L2HGDH: variants seen among roughly 807,000 people sequenced by gnomAD.
The protein encoded by L2HGDH is L-2-hydroxyglutarate dehydrogenase, mitochondrial.
Under a neutral mutation model 51.5 loss-of-function variants are expected in L2HGDH, and 34 were observed. The observed-to-expected ratio is 0.66, with a 90% CI of 0.50 to 0.88. The LOEUF is 0.88. Among genes scored for constraint, L2HGDH ranks in the 40% least tolerant of loss-of-function variants. The pLI is 0.00. For synonymous variants in L2HGDH, 198 were observed against 197.9 expected, an observed-to-expected ratio of 1.00 and a Z score of -0.01; for missense variants, 558 against 571.9, an observed-to-expected ratio of 0.98 and a Z score of 0.25.
rs186068473 is a variant in L2HGDH at position 50,267,138 on chromosome 14, T to C, written c.1064+615A>G. 4.6e-3 allele frequency among the ~76,000 whole-genome samples: 674 copies of C among 148,026 alleles called. 3 individuals are homozygous for C. Among genetic ancestry groups the C allele is most frequent in the African/African-American group, 0.014 (560 of 40,228 alleles). On this transcript the variant is annotated intron_variant, in intron 8 of 9. Coordinates refer to ENST00000267436, the MANE Select transcript of L2HGDH (RefSeq NM_024884.3). ...ATGAATAACTCTTGGCCTTATCTTC[T>C]TTTTATTTTTATTTATTTATTTATT...
chr14:50,294,116 CT>C lies in L2HGDH; in HGVS notation c.538del (p.Arg180GlyfsTer3). 2.5e-6 allele frequency: 4 copies of C among 1,613,794 alleles called. No homozygotes were observed. Among genetic ancestry groups the C allele is most frequent in the Non-Finnish European group, 3.4e-6 (4 of 1,179,820 alleles). ...EDIKKKEPYCRGLMAIDCPHT... is the reference protein window; with the variant it reads ...EDIKKKEPYCXGLMAIDCPHT... ...AACATCCCTTTGTTAATCACTTACC[CT>C]ACAATATGGCTCCTTCTTTTTTATA... On this transcript the variant is annotated frameshift_variant and splice_region_variant, in exon 4 of 10. Transcript: ENST00000267436. LOFTEE classifies it high-confidence loss of function.
intron 5 of L2HGDH, chr14:50,282,446 A>C: frequency 2.2e-6 from 1 of 455,840 alleles, no homozygotes; most frequent in Non-Finnish European, 4.4e-6. Context: ...TCTTCATTAA[A>C]CCAATGAAGC....
intron 4 of L2HGDH, 100 bp from the exon 5 acceptor site, chr14:50,284,133 T>G (rs1890432487): frequency 3.5e-6 from 4 of 1,154,068 alleles, no homozygotes; most frequent in Middle Eastern, 4.0e-4. Context: ...TTAGAGGAGT[T>G]GATTTTGCCA....
chr14:50,244,816 C>T lies in L2HGDH; in HGVS notation c.*2242G>A, dbSNP rs1887927821. 1.0e-6 allele frequency: 1 copy of T among 985,252 alleles called. No individual in the cohort carries two copies. Among genetic ancestry groups the T allele is most frequent in the Admixed American group, 6.2e-5 (1 of 16,252 alleles). The allele number at this position is 985,252 out of a possible 1,614,324, so 61.0% of individuals were successfully genotyped here. ...AACCAAAATGCACATCCTTCTCACC[C>T]ATCCATCATACAGCTTTGGAGAGCT... On this transcript the variant is annotated 3_prime_UTR_variant, in exon 10 of 10. Coordinates refer to ENST00000267436, the MANE Select transcript of L2HGDH (RefSeq NM_024884.3).
At chr14:50,251,386 C>T (rs1888340165) in intron 9 of L2HGDH, among the ~76,000 whole-genome samples, 1 of 151,944 alleles carries the variant, frequency 6.6e-6, no homozygotes, top group African/African-American at 2.4e-5. Context: ...AAAACATTCT[C>T]AAAAGGGTAA....
At chr14:50,294,362 T>A in intron 3 of L2HGDH, 116 bp from the exon 4 acceptor site, 1 of 984,846 alleles carries the variant, frequency 1.0e-6, no homozygotes, top group Non-Finnish European at 1.5e-6. Context: ...GTTAATTTTT[T>A]AAAATTATTT....
rs764890454 is a variant in L2HGDH, at chr14:50,267,712, T to C, written c.1064+41A>G. The C allele has an allele frequency of 8.1e-6, 12 of 1,484,994 alleles. No individual in the cohort carries two copies. In the South Asian group the frequency reaches 1.4e-4, roughly 17 times the overall value. 92.0% of individuals were successfully genotyped at this position (1,484,994 alleles called of 1,614,324 possible). A position where few individuals can be genotyped will look rare whatever the true frequency, so the allele number is the denominator to read the frequency against. ...AAGACAAAACTTCCCACATTGAAAA[T>C]ATAAGCACATAAAATCATTTTTAAA... On this transcript the variant is annotated intron_variant, in intron 8 of 9. Coordinates refer to ENST00000267436, the MANE Select transcript of L2HGDH (RefSeq NM_024884.3).
chr14:50,269,087 G>T, intron 7 of L2HGDH, 76 bp downstream of exon 7: 26 of 1,242,234 alleles, frequency 2.1e-5, no homozygotes, highest in Non-Finnish European at 2.8e-5. Context: ...TCTGACCCAA[G>T]TGAAAGTTGT....
intron 9 of L2HGDH, among the ~76,000 whole-genome samples, chr14:50,256,896 A>C (rs1161956093): frequency 1.3e-5 from 2 of 152,086 alleles, no homozygotes; most frequent in Non-Finnish European, 2.9e-5. Flanking sequence ...AACACCTATG[A>C]GAGATAGGCT....
chr14:50,269,579 A>G (rs1277606388), intron 6 of L2HGDH, among the ~76,000 whole-genome samples: 1 of 152,220 alleles, frequency 6.6e-6, no homozygotes, highest in Non-Finnish European at 1.5e-5. Context: ...TCAACCTAGC[A>G]AGGATACTTA....
chr14:50,269,149 G>C lies in L2HGDH; in HGVS notation c.906+14C>G, dbSNP rs1889519620. On this transcript the variant is annotated intron_variant, in intron 7 of 9. Coordinates refer to ENST00000267436, the MANE Select transcript of L2HGDH (RefSeq NM_024884.3). ...GCTTGAAAAAAATGAGAAGTAGGAA[G>C]CATCATTACCTACCGGATAAATATT... is the stretch of plus-strand genomic sequence containing the variant. The C allele has an allele frequency of 6.3e-7, 1 of 1,584,070 alleles. No homozygotes were observed. Among genetic ancestry groups the C allele is most frequent in the Non-Finnish European group, 8.7e-7 (1 of 1,154,794 alleles).
chr14:50,264,160 G>C (rs199800460), intron 9 of L2HGDH, among the ~76,000 whole-genome samples: 1 of 148,206 alleles, frequency 6.7e-6, no homozygotes, highest in Non-Finnish European at 1.5e-5. Flanking sequence ...CGTGTGGATC[G>C]CCTGAGGTCG....
Position 50,243,295 on chromosome 14 carries a change from C to T in L2HGDH, c.*3763G>A, listed in dbSNP as rs985726379. ...CTCTGAAGTTAAAATCTAAAATGCT[C>T]CACTTTTTACCCAAAATATAAATGA... On this transcript the variant is annotated 3_prime_UTR_variant, in exon 10 of 10. Coordinates refer to ENST00000267436, the MANE Select transcript of L2HGDH (RefSeq NM_024884.3). The T allele has an allele frequency of 7.1e-6, 7 of 985,124 alleles. No homozygotes were observed. The highest frequency in any genetic ancestry group is 3.5e-5 in the African/African-American group (2 of 57,208). The allele number at this position is 985,124 out of a possible 1,614,324, so 61.0% of individuals were successfully genotyped here. A position where few individuals can be genotyped will look rare whatever the true frequency, so the allele number is the denominator to read the frequency against.
At chr14:50,257,188 CAA>C (rs1210815673) in intron 9 of L2HGDH, among the ~76,000 whole-genome samples, 7 of 152,112 alleles carry the variant, frequency 4.6e-5, no homozygotes, top group Admixed American at 2.6e-4. Flanking sequence ...CATGGCCTGG[CAA>C]AGTGCTGGGA....
intron 9 of L2HGDH, among the ~76,000 whole-genome samples, chr14:50,255,128 A>G (rs1888582749): frequency 6.6e-6 from 1 of 152,154 alleles, no homozygotes; most frequent in Non-Finnish European, 1.5e-5. Flanking sequence ...AAATGTTTAA[A>G]GTACCAAATT....
In L2HGDH at chr14:50,246,230, A is replaced by G. The variant is rs950262133; in HGVS notation, c.*828T>C. On this transcript the variant is annotated 3_prime_UTR_variant, in exon 10 of 10. Coordinates refer to ENST00000267436, the MANE Select transcript of L2HGDH (RefSeq NM_024884.3). ...GAATTTATTTTTTGTTGTTGTTTTT[A>G]TTTTTTGAGTCAGGGACTCACTTTG... 2.6e-5 allele frequency: 4 copies of G among 151,196 alleles called. No individual in the cohort carries two copies. The highest frequency in any genetic ancestry group is 9.7e-5 in the African/African-American group (4 of 41,104). The allele number at this position is 151,196 out of a possible 1,614,324, so 9.4% of individuals were successfully genotyped here. A position where few individuals can be genotyped will look rare whatever the true frequency, so the allele number is the denominator to read the frequency against.
intron 1 of L2HGDH, among the ~76,000 whole-genome samples, chr14:50,309,783 A>C (rs2030963359): frequency 1.3e-5 from 2 of 151,792 alleles, no homozygotes; most frequent in South Asian, 4.2e-4. Flanking sequence ...CCTGGGCTCA[A>C]GCGATCCTCC....
chr14:50,242,880 C>T lies in L2HGDH; in HGVS notation c.*4178G>A, dbSNP rs1211963158. ...AGATTAAGGGCCCAGGAGGGCAGAG[C>T]CAGTCCTTAAACAATATAGACACCA... On this transcript the variant is annotated 3_prime_UTR_variant, in exon 10 of 10. Transcript: ENST00000267436. The T allele has an allele frequency of 9.1e-6, 9 of 985,440 alleles. No individual in the cohort carries two copies. The highest frequency in any genetic ancestry group is 8.4e-6 in the Non-Finnish European group (7 of 829,930). The allele number at this position is 985,440 out of a possible 1,614,324, so 61.0% of individuals were successfully genotyped here.
intron 3 of L2HGDH, among the ~76,000 whole-genome samples, chr14:50,298,392 T>C (rs979715704): frequency 1.1e-4 from 16 of 151,886 alleles, no homozygotes; most frequent in African/African-American, 3.6e-4. Context: ...CTCAGCTCAC[T>C]ACAACCTCTG....
Sources: allele counts gnomAD v4.1 joint callset (sites outside exome capture counted in the v4.1 genomes callset), GRCh38; gene constraint gnomAD v4.1.1; transcripts MANE v1.5; gene names NCBI Gene and HGNC (gene_info 2026-07-23, HGNC 2026-07-21).